Variants in UBE2L3 observed in about 807,000 individuals in gnomAD.
UBE2L3 encodes the protein ubiquitin-conjugating enzyme E2 L3.
Under a neutral mutation model 17.8 loss-of-function variants are expected in UBE2L3, and 1 was observed. The ratio of observed to expected loss-of-function variants is 0.06; its 90% CI spans 0.02 to 0.27. The LOEUF is 0.27. Among genes scored for constraint, UBE2L3 ranks in the 10% least tolerant of loss-of-function variants. The pLI is 1.00. For missense variants in UBE2L3, 40 were observed against 192.6 expected (o/e 0.21, Z 4.69); for synonymous variants, 44 against 68.5 (o/e 0.64, Z 1.76).
chr22:21,620,097 C>G (rs1399538754), intron 3 of UBE2L3, among the ~76,000 whole-genome samples: 2 of 151,852 alleles, frequency 1.3e-5, no homozygotes, highest in African/African-American at 4.8e-5. Context: ...AGTTTGAGAC[C>G]AGCCTGGGCA....
chr22:21,578,647 G>A (rs1201653702), intron 1 of UBE2L3, among the ~76,000 whole-genome samples: 1 of 152,126 alleles, frequency 6.6e-6, no homozygotes, highest in Non-Finnish European at 1.5e-5. Flanking sequence ...AATGAGGCCC[G>A]GCAGCCAGAA....
In UBE2L3 at chr22:21,567,819, G is replaced by A; in HGVS notation, c.27+48G>A. On this transcript the variant is annotated intron_variant, in intron 1 of 3. Transcript: ENST00000342192. Reference sequence around the variant, plus strand: ...GGCCGGGCGTGGGGCGGCGTCCTAGGCTCCGGATCCCCGAGGCAGGCGGCG... The same window carrying A: ...GGCCGGGCGTGGGGCGGCGTCCTAGACTCCGGATCCCCGAGGCAGGCGGCG... 3 of 1,564,274 alleles carry A rather than the reference G, an allele frequency of 1.9e-6. No individual in the cohort carries two copies. In the South Asian group the frequency reaches 3.5e-5, roughly 18 times the overall value.
At chr22:21,609,891 AGGCGGGTGCCTG>A (rs1568986496) in intron 2 of UBE2L3, among the ~76,000 whole-genome samples, 1 of 151,742 alleles carries the variant, frequency 6.6e-6, no homozygotes, top group East Asian at 1.9e-4. Flanking sequence ...CTGGGCATTG[AGGCGGGTGCCTG>A]TAATCCCAGC....
chr22:21,608,959 A>G (rs139801119), intron 2 of UBE2L3, among the ~76,000 whole-genome samples: 2,160 of 151,692 alleles, frequency 0.014, 50 homozygotes, highest in African/African-American at 0.05. Flanking sequence ...CAGTGGCGCA[A>G]TCTCCACTCA....
chr22:21,593,937 G>A (rs975441136), intron 2 of UBE2L3, among the ~76,000 whole-genome samples: 10 of 151,882 alleles, frequency 6.6e-5, no homozygotes, highest in Admixed American at 6.6e-4. Context: ...TACTACTTTC[G>A]GCATCATAGA....
At chr22:21,620,226 C>T (rs1929979768) in intron 3 of UBE2L3, among the ~76,000 whole-genome samples, 1 of 151,808 alleles carries the variant, frequency 6.6e-6, no homozygotes, top group Non-Finnish European at 1.5e-5. Context: ...GATAAGACTG[C>T]AGTGAGCTGT....
chr22:21,612,527 A>G (rs1439062268), intron 3 of UBE2L3, among the ~76,000 whole-genome samples: 2 of 148,466 alleles, frequency 1.3e-5, no homozygotes, highest in Non-Finnish European at 3.0e-5. Flanking sequence ...GGGTTTCACC[A>G]TGTTAGCCAG....
rs774635605 is a variant in UBE2L3 at position 21,579,776 on chromosome 22, G to GA, written c.27+12015dup. On this transcript the variant is annotated intron_variant, in intron 1 of 3. Coordinates refer to ENST00000342192, the MANE Select transcript of UBE2L3 (RefSeq NM_003347.4). Reference sequence around the variant, plus strand: ...ACAAAGCAAGACCCTGTCTCAGGGGGAAAAAAAAAAGTCATGATTTTAGTG... The same window carrying GA: ...ACAAAGCAAGACCCTGTCTCAGGGGGAAAAAAAAAAAGTCATGATTTTAGTG... Among the ~76,000 whole-genome samples, 23 of 148,340 alleles carry GA rather than the reference G, an allele frequency of 1.6e-4. No individual in the cohort carries two copies. In the East Asian group the frequency reaches 1.6e-3, roughly 10 times the overall value.
At chr22:21,589,774 T>G (rs1331564646) in intron 1 of UBE2L3, among the ~76,000 whole-genome samples, 2 of 152,224 alleles carry the variant, frequency 1.3e-5, no homozygotes, top group Non-Finnish European at 2.9e-5. Context: ...CAGTTCTTCC[T>G]TGTTGGTTAG....
At chr22:21,616,412 A>AGGCCGAGGTGGGC (rs1242200785) in intron 3 of UBE2L3, among the ~76,000 whole-genome samples, 1 of 152,022 alleles carries the variant, frequency 6.6e-6, no homozygotes, top group African/African-American at 2.4e-5. Context: ...GCACTTTGGG[A>AGGCCGAGGTGGGC]GGCCGAGGTG....
chr22:21,611,100 G>C (rs1186908418), intron 3 of UBE2L3, 57 bp downstream of exon 3: 10 of 1,497,286 alleles, frequency 6.7e-6, no homozygotes, highest in South Asian at 1.4e-5. Flanking sequence ...CTGCTCTGGG[G>C]TGGGGGCTTC....
chr22:21,578,980 T>C (rs1927476184), intron 1 of UBE2L3, among the ~76,000 whole-genome samples: 1 of 151,282 alleles, frequency 6.6e-6, no homozygotes, highest in Non-Finnish European at 1.5e-5. Context: ...TTTATTTATT[T>C]ATTTATTTAT....
At chr22:21,577,184 G>A (rs529408068) in intron 1 of UBE2L3, among the ~76,000 whole-genome samples, 1 of 151,526 alleles carries the variant, frequency 6.6e-6, no homozygotes, top group Non-Finnish European at 1.5e-5. Flanking sequence ...TAGCCAGGAT[G>A]GTCTCGATCT....
intron 1 of UBE2L3, among the ~76,000 whole-genome samples, chr22:21,560,995 G>GAGAAGGAAGGAAAAGAGAGA (rs1926411563): frequency 1.3e-5 from 2 of 152,280 alleles, no homozygotes; most frequent in Non-Finnish European, 2.9e-5. Context: ...AGGTGGAAAG[G>GAGAAGGAAGGAAAAGAGAGA]AGAAGGAAGG....
chr22:21,580,243 A>T (rs1927548916), intron 1 of UBE2L3, among the ~76,000 whole-genome samples: 2 of 152,124 alleles, frequency 1.3e-5, no homozygotes, highest in Admixed American at 1.3e-4. Context: ...TGCTCTATAC[A>T]AGTTCTTTGA....
rs147279444 is a variant in UBE2L3 at position 21,570,702 on chromosome 22, GT to G, written c.27+2941del. 3.7e-4 allele frequency among the ~76,000 whole-genome samples: 55 copies of G among 149,420 alleles called. No individual in the cohort carries two copies. The East Asian group carries it at 5.5e-3, about 15-fold the overall frequency. ...GCTGTGAGAATCAATGTTTAAGACT[GT>G]TTTTTTTTTCTTTTAAAGGAAGAAA... On this transcript the variant is annotated intron_variant, in intron 1 of 3. Transcript: ENST00000342192.
chr22:21,611,184 T>C (rs1026418435), intron 3 of UBE2L3, 141 bp downstream of exon 3: 3 of 1,009,532 alleles, frequency 3.0e-6, no homozygotes, highest in Non-Finnish European at 2.9e-6. Context: ...TGTCAGACCT[T>C]GTGGGAATGG....
At chr22:21,615,282 G>A (rs543122056) in intron 3 of UBE2L3, among the ~76,000 whole-genome samples, 6 of 152,206 alleles carry the variant, frequency 3.9e-5, no homozygotes, top group Admixed American at 1.3e-4. Context: ...TGGGCCGGGC[G>A]CGGTGGCTCA....
chr22:21,618,509 G>A (rs1057262773), intron 3 of UBE2L3, among the ~76,000 whole-genome samples: 2 of 151,944 alleles, frequency 1.3e-5, no homozygotes, highest in Admixed American at 1.3e-4. Context: ...AGCTTGCAGT[G>A]AGCCGAGATT....
Sources: gnomAD v4.1 joint callset for allele counts (sites outside exome capture counted in the v4.1 genomes callset) on GRCh38, gnomAD v4.1.1 for gene constraint, MANE v1.5 for transcripts, NCBI Gene and HGNC (gene_info 2026-07-23, HGNC 2026-07-21) for gene names.